SEMA4D: variants seen among roughly 807,000 people sequenced by gnomAD.
SEMA4D encodes semaphorin-4D.
Under a neutral mutation model 74.8 loss-of-function variants are expected in SEMA4D, and 22 were observed. The observed-to-expected ratio is 0.29, with a 90% CI of 0.21 to 0.42. The LOEUF (loss-of-function observed/expected upper bound fraction) is 0.42. Ranked by LOEUF, SEMA4D falls within the 10% of genes least tolerant of loss-of-function variation. The pLI, the probability that SEMA4D is intolerant of heterozygous loss-of-function variation, is 1.00. For missense variants in SEMA4D, 937 were observed against 1,118.4 expected (o/e 0.84, Z 2.31); for synonymous variants, 445 against 463.7 (o/e 0.96, Z 0.52).
At chr9:89,447,968 GTATT>G (rs1007597754) in intron 2 of SEMA4D, among the ~76,000 whole-genome samples, 17 of 152,140 alleles carry the variant, frequency 1.1e-4, no homozygotes, top group African/African-American at 3.1e-4. Flanking sequence ...TCTGCTTTAT[GTATT>G]TATTTATTTG....
chr9:89,448,971 G>A (rs533647450), intron 2 of SEMA4D, among the ~76,000 whole-genome samples: 2 of 152,322 alleles, frequency 1.3e-5, no homozygotes, highest in South Asian at 2.1e-4. Context: ...AACCATCACT[G>A]ACCTGCAGGC....
At chr9:89,415,988 A>G (rs1302716194) in intron 2 of SEMA4D, among the ~76,000 whole-genome samples, 1 of 152,228 alleles carries the variant, frequency 6.6e-6, no homozygotes, top group Non-Finnish European at 1.5e-5. Context: ...GTTTTGCTTT[A>G]AGTGGACTTT....
At chr9:89,410,321 A>G (rs1190952223) in intron 2 of SEMA4D, among the ~76,000 whole-genome samples, 1 of 152,224 alleles carries the variant, frequency 6.6e-6, no homozygotes, top group Non-Finnish European at 1.5e-5. Context: ...CTTTTTAAAT[A>G]TAATTTGTTT....
chr9:89,391,849 G>A (rs1354427863), intron 8 of SEMA4D, among the ~76,000 whole-genome samples: 1 of 152,252 alleles, frequency 6.6e-6, no homozygotes, highest in East Asian at 1.9e-4. Flanking sequence ...ATGGCCGACT[G>A]TCCCTGAATC....
intron 2 of SEMA4D, among the ~76,000 whole-genome samples, chr9:89,451,736 G>A (rs1369283331): frequency 1.3e-5 from 2 of 151,758 alleles, no homozygotes; most frequent in Non-Finnish European, 2.9e-5. Context: ...AAAATGAAAT[G>A]ACATTAAAAT....
At chr9:89,451,361 G>T (rs1854462515) in intron 2 of SEMA4D, among the ~76,000 whole-genome samples, 1 of 152,168 alleles carries the variant, frequency 6.6e-6, no homozygotes, top group Non-Finnish European at 1.5e-5. Context: ...CTATGAAATG[G>T]ATCCTCATTT....
intron 1 of SEMA4D, among the ~76,000 whole-genome samples, chr9:89,490,444 G>A (rs998415932): frequency 2.0e-5 from 3 of 152,154 alleles, no homozygotes; most frequent in Admixed American, 6.5e-5. Context: ...AAAGCCATTC[G>A]AATCCAGTAG....
At chr9:89,363,379 C>T in intron 18 of SEMA4D, 1 of 1,587,326 alleles carries the variant, frequency 6.3e-7, no homozygotes, top group Non-Finnish European at 8.5e-7. Flanking sequence ...GTGGCAGGTG[C>T]CCTGCCCCTG....
At chr9:89,449,656 G>A (rs1355900897) in intron 2 of SEMA4D, 13 of 1,482,728 alleles carry the variant, frequency 8.8e-6, no homozygotes, top group South Asian at 1.1e-5. Flanking sequence ...GGGGTACTTC[G>A]GTCCTTGGTG....
chr9:89,437,557 A>G (rs527269786), intron 2 of SEMA4D, among the ~76,000 whole-genome samples: 2 of 152,124 alleles, frequency 1.3e-5, no homozygotes, highest in East Asian at 3.9e-4. Flanking sequence ...GTGCGCCCTG[A>G]GAGGGGAGGG....
chr9:89,496,669 A>G (rs554616861), intron 1 of SEMA4D, among the ~76,000 whole-genome samples: 2 of 152,348 alleles, frequency 1.3e-5, no homozygotes, highest in South Asian at 2.1e-4. Context: ...CAAAATGACA[A>G]TCAGGGCATT....
chr9:89,453,263 G>C (rs373881417), intron 2 of SEMA4D, among the ~76,000 whole-genome samples: 4 of 152,354 alleles, frequency 2.6e-5, no homozygotes, highest in African/African-American at 9.6e-5. Flanking sequence ...AATTAAGAAG[G>C]AAGAGCTTAA....
downstream of SEMA4D, among the ~76,000 whole-genome samples, chr9:89,373,161 C>A (rs981064555): frequency 6.6e-6 from 1 of 152,164 alleles, no homozygotes; most frequent in Non-Finnish European, 1.5e-5. Context: ...GGACACAGGC[C>A]TCTCCGCCCT....
chr9:89,438,839 G>A (rs1277772161), intron 2 of SEMA4D, among the ~76,000 whole-genome samples: 1 of 148,324 alleles, frequency 6.7e-6, no homozygotes, highest in Non-Finnish European at 1.5e-5. Flanking sequence ...CTAATTTTTT[G>A]TATTTTTAGT....
At chr9:89,447,107 C>A (rs140788570) in intron 2 of SEMA4D, among the ~76,000 whole-genome samples, 10 of 152,082 alleles carry the variant, frequency 6.6e-5, no homozygotes, top group African/African-American at 1.9e-4. Flanking sequence ...CGCTGCCTAT[C>A]GGTCCTTCCA....
chr9:89,408,275 C>G (rs754286680), intron 2 of SEMA4D, among the ~76,000 whole-genome samples: 31 of 152,210 alleles, frequency 2.0e-4, no homozygotes, highest in Non-Finnish European at 3.1e-4. Flanking sequence ...CCCACAGAAC[C>G]CACGCCCTGG....
chr9:89,454,453 C>T (rs1409262028), intron 2 of SEMA4D, among the ~76,000 whole-genome samples: 3 of 152,186 alleles, frequency 2.0e-5, no homozygotes, highest in African/African-American at 7.2e-5. Context: ...TATTTCCACA[C>T]CAGATCTAGC....
intron 2 of SEMA4D, among the ~76,000 whole-genome samples, chr9:89,425,341 C>T (rs1847874562): frequency 6.6e-6 from 1 of 152,180 alleles, no homozygotes; most frequent in Non-Finnish European, 1.5e-5. Flanking sequence ...TGCCTCCCCT[C>T]AGCTGGTCTT....
chr9:89,432,262 A>G (rs1398967868), intron 2 of SEMA4D, among the ~76,000 whole-genome samples: 3 of 152,254 alleles, frequency 2.0e-5, no homozygotes, highest in East Asian at 3.8e-4. Context: ...GTAGTATTAT[A>G]TAAGTGTACT....
Sources: gnomAD v4.1 joint callset for allele counts (sites outside exome capture counted in the v4.1 genomes callset) on GRCh38, gnomAD v4.1.1 for gene constraint, MANE v1.5 for transcripts, NCBI Gene and HGNC (gene_info 2026-07-23, HGNC 2026-07-21) for gene names.